THOC2: variants seen among roughly 807,000 people sequenced by gnomAD.
The protein encoded by THOC2 is THO complex 2.
A neutral mutation model predicts 128.4 loss-of-function variants in THOC2; 10 were observed. The ratio of observed to expected loss-of-function variants is 0.08; its 90% CI spans 0.05 to 0.13. The LOEUF (loss-of-function observed/expected upper bound fraction) is 0.13. Among genes scored for constraint, THOC2 ranks in the 10% least tolerant of loss-of-function variants. THOC2 has a pLI of 1.00. For missense variants in THOC2, 535 were observed against 1,155.7 expected (o/e 0.46, Z 7.79); for synonymous variants, 393 against 396.9 (o/e 0.99, Z 0.12).
chrX:123,620,590 G>A (rs915095459), intron 32 of THOC2: 6 of 210,102 alleles, frequency 2.9e-5, no homozygotes, highest in Non-Finnish European at 5.1e-5. Flanking sequence ...GAAAAGATTC[G>A]TTTGCTTGTA....
chrX:123,626,408 AG>A (rs2047272155), intron 24 of THOC2, 112 bp downstream of exon 24: 1 of 782,206 alleles, frequency 1.3e-6, no homozygotes, highest in African/African-American at 2.2e-5. Flanking sequence ...AGAATGGGAT[AG>A]GGAACACTGA....
chrX:123,622,372 A>G (rs1243090868), intron 30 of THOC2, among the ~76,000 whole-genome samples: 5 of 112,605 alleles, frequency 4.4e-5, no homozygotes, highest in Non-Finnish European at 9.4e-5. Context: ...TCACACCTAC[A>G]TTCCCCTGAA....
chrX:123,706,263 C>A (rs2050921914), intron 3 of THOC2, among the ~76,000 whole-genome samples: 1 of 111,564 alleles, frequency 9.0e-6, no homozygotes. Context: ...TATTTAATTT[C>A]TAAACATAAC....
chrX:123,726,050 A>T (rs1452410062), intron 1 of THOC2, among the ~76,000 whole-genome samples: 2 of 110,994 alleles, frequency 1.8e-5, no homozygotes, highest in Admixed American at 9.7e-5. Flanking sequence ...CTCTACTAAA[A>T]CTACAAAAAT....
chrX:123,680,583 C>G (rs1439481257), intron 8 of THOC2, among the ~76,000 whole-genome samples: 1 of 110,539 alleles, frequency 9.0e-6, no homozygotes, highest in Non-Finnish European at 1.9e-5. Flanking sequence ...GTCTCTCGTT[C>G]CACCTAACGA....
At chrX:123,628,722 TAAAA>T (rs79757468) in intron 22 of THOC2, among the ~76,000 whole-genome samples, 8 of 84,075 alleles carry the variant, frequency 9.5e-5, no homozygotes, top group Non-Finnish European at 1.7e-4. Flanking sequence ...AAATAAAAAT[TAAAA>T]AAAAAAAAAA....
intron 1 of THOC2, among the ~76,000 whole-genome samples, chrX:123,718,686 G>T (rs1308901529): frequency 1.8e-5 from 2 of 109,577 alleles, no homozygotes; most frequent in African/African-American, 6.7e-5. Context: ...TTGGATCCAG[G>T]AGGCAGAGAT....
chrX:123,694,512 G>A, intron 7 of THOC2, among the ~76,000 whole-genome samples: 1 of 110,059 alleles, frequency 9.1e-6, no homozygotes, highest in Admixed American at 9.6e-5. Context: ...GGAGGCTGAG[G>A]CAGGAGAACT....
chrX:123,703,890 T>TAAAAAAAAAAAAAAAAAA (rs774877149), intron 3 of THOC2, among the ~76,000 whole-genome samples: 4 of 37,007 alleles, frequency 1.1e-4, no homozygotes, highest in African/African-American at 1.5e-4. Context: ...ACTCTGTCTT[T>TAAAAAAAAAAAAAAAAAA]AAAAAAAAAA....
chrX:123,602,570 C>T (rs769624608), intron 38 of THOC2: 15 of 111,542 alleles, frequency 1.3e-4, no homozygotes, highest in African/African-American at 4.9e-4. Context: ...TTCCAGGGGC[C>T]GAGGAAGGGA....
At chrX:123,727,926 C>T (rs1306449590) in intron 1 of THOC2, among the ~76,000 whole-genome samples, 1 of 112,667 alleles carries the variant, frequency 8.9e-6, no homozygotes, top group Non-Finnish European at 1.9e-5. Flanking sequence ...TTTGTGAATA[C>T]TTCTTAACAT....
chrX:123,672,650 C>T (rs1341305760), intron 8 of THOC2, among the ~76,000 whole-genome samples: 1 of 111,732 alleles, frequency 8.9e-6, no homozygotes, highest in Non-Finnish European at 1.9e-5. Context: ...ATGAATAAAT[C>T]GATGTTTTAA....
intron 15 of THOC2, among the ~76,000 whole-genome samples, chrX:123,644,273 G>A (rs1404977305): frequency 8.9e-6 from 1 of 111,939 alleles, no homozygotes; most frequent in African/African-American, 3.3e-5. Flanking sequence ...AAAGGCCACA[G>A]CAGGCTGTCC....
chrX:123,633,866 A>C, intron 20 of THOC2, 87 bp downstream of exon 20: 1 of 574,431 alleles, frequency 1.7e-6, no homozygotes, highest in Admixed American at 3.2e-5. Context: ...TTGGTTTTAT[A>C]AACTTACATA....
At chrX:123,709,546 G>A (rs1338393182) in intron 2 of THOC2, among the ~76,000 whole-genome samples, 1 of 111,470 alleles carries the variant, frequency 9.0e-6, no homozygotes, top group Non-Finnish European at 1.9e-5. Context: ...AGCCAAGATG[G>A]CGCCACTGCA....
At chrX:123,652,633 C>T (rs2048407531) in intron 12 of THOC2, among the ~76,000 whole-genome samples, 1 of 110,845 alleles carries the variant, frequency 9.0e-6, no homozygotes, top group African/African-American at 3.3e-5. Flanking sequence ...TCCTATACAC[C>T]AATAATAGAG....
chrX:123,678,693 G>C (rs1208804823), intron 8 of THOC2, among the ~76,000 whole-genome samples: 8 of 110,371 alleles, frequency 7.2e-5, no homozygotes, highest in African/African-American at 2.6e-4. Flanking sequence ...ACGTGTTCCT[G>C]TTTCATTATA....
intron 1 of THOC2, among the ~76,000 whole-genome samples, chrX:123,721,461 C>T (rs2147982803): frequency 9.2e-6 from 1 of 108,276 alleles, no homozygotes; most frequent in South Asian, 4.3e-4. Flanking sequence ...GAATGAGCCA[C>T]TGTGCCTGGG....
At chrX:123,652,625 C>A (rs1025528008) in intron 12 of THOC2, among the ~76,000 whole-genome samples, 5 of 111,503 alleles carry the variant, frequency 4.5e-5, no homozygotes, top group African/African-American at 1.3e-4. Context: ...ACAAGCATTC[C>A]TATACACCAA....
Sources: allele counts gnomAD v4.1 joint callset (sites outside exome capture counted in the v4.1 genomes callset), GRCh38; gene constraint gnomAD v4.1.1; transcripts MANE v1.5; gene names NCBI Gene and HGNC (gene_info 2026-07-23, HGNC 2026-07-21).